R3HCC1: variants seen among roughly 807,000 people sequenced by gnomAD.
The protein encoded by R3HCC1 is R3H domain and coiled-coil containing 1.
R3HCC1 carries 32 observed loss-of-function variants against 40.0 expected under a neutral mutation model. That is an observed-to-expected ratio of 0.80 (90% CI 0.60 to 1.07). The LOEUF (loss-of-function observed/expected upper bound fraction) is 1.07. Ranked by LOEUF, R3HCC1 falls within the 50% of genes least tolerant of loss-of-function variation. The probability of loss-of-function intolerance (pLI) is 0.00; values close to 1 mark genes in which losing one functional copy is unlikely to be tolerated. For missense variants in R3HCC1, 586 were observed against 563.3 expected, an observed-to-expected ratio of 1.04 and a Z score of -0.41; for synonymous variants, 237 against 232.8, an observed-to-expected ratio of 1.02 and a Z score of -0.17.
At position 23,289,933 on chromosome 8, in the gene R3HCC1, G is replaced by A. The variant is rs555802428; in HGVS notation, c.316G>A (p.Gly106Ser). 74 of 1,536,058 alleles carry A rather than the reference G, an allele frequency of 4.8e-5. No individual in the cohort carries two copies. The highest frequency in any genetic ancestry group is 5.8e-5 in the Non-Finnish European group (66 of 1,146,822). Reference sequence around the variant, plus strand: ...TGCCTCCTGCCCCAGCAGGTACCACGGTCCTCGGCCCATCTCCAACCAAGG... The same window carrying A: ...TGCCTCCTGCCCCAGCAGGTACCACAGTCCTCGGCCCATCTCCAACCAAGG... Residue 106 changes from glycine to serine, a missense_variant, in exon 4 of 8, where the codon GGT becomes AGT. Gly to Ser is a moderately conservative substitution (Grantham distance 56). Transcript: ENST00000265806.
At chr8:23,294,337 C>T (rs1237401862) in intron 6 of R3HCC1, among the ~76,000 whole-genome samples, 4 of 152,344 alleles carry the variant, frequency 2.6e-5, no homozygotes, top group African/African-American at 9.6e-5. Context: ...AAGCCTCTCC[C>T]AGCTCTGCTC....
In R3HCC1 at chr8:23,288,196, C is replaced by T. The variant is rs914118938; in HGVS notation, c.-19+39C>T. 2.5e-6 allele frequency: 3 copies of T among 1,203,708 alleles called. No individual in the cohort carries two copies. In the African/African-American group the frequency reaches 4.8e-5, roughly 19 times the overall value. 74.6% of individuals were successfully genotyped at this position (1,203,708 alleles called of 1,614,324 possible). Reference sequence around the variant, plus strand: ...CACTGGGGGGGTGGTCGTCCCGACCCCCGGGCTCCCGGGTGGGAAGGAGCA... The same window carrying T: ...CACTGGGGGGGTGGTCGTCCCGACCTCCGGGCTCCCGGGTGGGAAGGAGCA... On this transcript the variant is annotated intron_variant, in intron 1 of 7. Transcript: ENST00000265806.
chr8:23,291,651 G>A, intron 5 of R3HCC1, 118 bp downstream of exon 5: 1 of 1,460,962 alleles, frequency 6.8e-7, no homozygotes. Context: ...GAGACAGAAA[G>A]TGGGTGTGTT....
rs1225605368 is a variant in R3HCC1, at chr8:23,296,157, A to G, written c.*60A>G. On this transcript the variant is annotated 3_prime_UTR_variant, in exon 8 of 8. Transcript: ENST00000265806. ...CGACGTAGCTGGCGCCCCCAACACC[A>G]TAAGCCTTCACAGACGCCAGAGCAG... The G allele has an allele frequency of 4.0e-6, 6 of 1,507,660 alleles. No homozygotes were observed. Among genetic ancestry groups the G allele is most frequent in the Non-Finnish European group, 5.3e-6 (6 of 1,124,724 alleles). 93.4% of individuals were successfully genotyped at this position (1,507,660 alleles called of 1,614,324 possible).
At chr8:23,290,547 T>C (rs1338006461) in intron 4 of R3HCC1, 78 bp downstream of exon 4, 29 of 1,456,916 alleles carry the variant, frequency 2.0e-5, no homozygotes, top group Non-Finnish European at 2.6e-5. Context: ...GACCAAGGGT[T>C]ATGGTGTGGA....
intron 6 of R3HCC1, among the ~76,000 whole-genome samples, chr8:23,293,999 C>T (rs1190007515): frequency 3.9e-5 from 6 of 152,308 alleles, no homozygotes; most frequent in South Asian, 4.1e-4. Context: ...ACCCGCGCCA[C>T]GCCCCCTTTA....
At chr8:23,295,066 G>T (rs141687709) in intron 7 of R3HCC1, among the ~76,000 whole-genome samples, 12 of 152,208 alleles carry the variant, frequency 7.9e-5, no homozygotes, top group African/African-American at 1.9e-4. Flanking sequence ...GCAGGCCTAG[G>T]GGGGGTCTGG....
chr8:23,295,004 C>G (rs1427478736), intron 7 of R3HCC1, 140 bp downstream of exon 7: 13 of 701,144 alleles, frequency 1.9e-5, no homozygotes, highest in Non-Finnish European at 3.2e-5. Flanking sequence ...CTTCTCTGCT[C>G]TTAGGGAGCC....
rs150576364 is a variant in R3HCC1 at position 23,291,416 on chromosome 8, C to T, written c.908C>T (p.Thr303Ile). ...CAGATAGAGAAGATCCATTTGGACA[C>T]ATCCTCCTTCGTGGAGGAGCTGCCT... Residue 303 changes from threonine to isoleucine, a missense_variant, in exon 5 of 8, where the codon ACA (threonine) becomes ATA (isoleucine). Coordinates refer to ENST00000265806, the MANE Select transcript of R3HCC1 (RefSeq NM_001136108.3). 219 of 1,551,466 alleles carry T rather than the reference C, an allele frequency of 1.4e-4. No individual in the cohort carries two copies. The African/African-American group carries it at 1.7e-3, about 12-fold the overall frequency.
chr8:23,294,914 C>T (rs535215136), intron 7 of R3HCC1, 50 bp downstream of exon 7: 201 of 1,186,924 alleles, frequency 1.7e-4, no homozygotes, highest in Non-Finnish European at 2.1e-4. Context: ...TGTGTGTGTG[C>T]GTGCGAGCAT....
intron 3 of R3HCC1, 117 bp downstream of exon 3, chr8:23,289,270 G>T: frequency 8.8e-7 from 1 of 1,130,006 alleles, no homozygotes; most frequent in Admixed American, 2.6e-5. Context: ...CCCGGCTGCT[G>T]CCATTCCTAG....
intron 7 of R3HCC1, 88 bp downstream of exon 7, chr8:23,294,952 G>A: frequency 1.0e-6 from 1 of 997,560 alleles, no homozygotes. Flanking sequence ...TGTGTGTCTG[G>A]TTTGGGCAGG....
intron 6 of R3HCC1, among the ~76,000 whole-genome samples, chr8:23,293,993 G>A (rs981795494): frequency 1.3e-5 from 2 of 152,136 alleles, no homozygotes; most frequent in Admixed American, 6.5e-5. Flanking sequence ...ATAGTTACCC[G>A]CGCCACGCCC....
chr8:23,289,807 A>G lies in R3HCC1; in HGVS notation c.249-59A>G, dbSNP rs1011095528. On this transcript the variant is annotated intron_variant, in intron 3 of 7. Coordinates refer to ENST00000265806, the MANE Select transcript of R3HCC1 (RefSeq NM_001136108.3). ...CTCCTGAATGACAAGTGGCTCTAGT[A>G]AATCATTTTCCTTTGGGCCCCTACA... 3 of 1,440,008 alleles carry G rather than the reference A, an allele frequency of 2.1e-6. No homozygotes were observed. In the African/African-American group the frequency reaches 4.3e-5, roughly 21 times the overall value. 89.2% of individuals were successfully genotyped at this position (1,440,008 alleles called of 1,614,324 possible).
chr8:23,292,831 G>A (rs984905031), intron 5 of R3HCC1, among the ~76,000 whole-genome samples: 1 of 152,182 alleles, frequency 6.6e-6, no homozygotes, highest in African/African-American at 2.4e-5. Flanking sequence ...ACTGCCTTAG[G>A]CCTCTCACAA....
rs1225657491 is a variant in R3HCC1, at chr8:23,293,306, G to A, written c.1029G>A (p.Glu343=). ...TGTCTCCTCTCTCGCCGCACAGAGA[G>A]AAGGGGTTCAGGATTCAGTGGGTGG... The change falls in exon 6 of 8, where the codon GAG becomes GAA. Residue 343 remains glutamate (E), a synonymous_variant. Coordinates refer to ENST00000265806, the MANE Select transcript of R3HCC1 (RefSeq NM_001136108.3). 1 of 1,551,330 alleles carries A rather than the reference G, an allele frequency of 6.4e-7. No individual in the cohort carries two copies. The highest frequency in any genetic ancestry group is 1.4e-5 in the African/African-American group (1 of 73,048).
Position 23,290,335 on chromosome 8 carries a change from C to T in R3HCC1, c.718C>T (p.Leu240=). ...CACACGGTTTGGGTCCACCCTGCAG[C>T]TAGACCTGGAAAAGGGGAAGGAGAG... The change falls in exon 4 of 8, where the codon CTA becomes TTA. Residue 240 remains leucine (L), a synonymous_variant. Coordinates refer to ENST00000265806, the MANE Select transcript of R3HCC1 (RefSeq NM_001136108.3). 8 of 1,551,794 alleles carry T rather than the reference C, an allele frequency of 5.2e-6. No individual in the cohort carries two copies. Among genetic ancestry groups the T allele is most frequent in the Non-Finnish European group, 7.0e-6 (8 of 1,147,022 alleles).
At position 23,289,850 on chromosome 8, in the gene R3HCC1, CCCATTCCTGCT is replaced by C; in HGVS notation, c.249-12_249-2del. Reference sequence around the variant, plus strand: ...CCCCTACACACTCTGATTACCTCCTCCCATTCCTGCTCCAGGGTACCCAGTTCGGATGGCCT... The same window carrying C: ...CCCCTACACACTCTGATTACCTCCTCCCAGGGTACCCAGTTCGGATGGCCT... On this transcript the variant is annotated splice_region_variant and splice_polypyrimidine_tract_variant and intron_variant, in intron 3 of 7. Transcript: ENST00000265806. The C allele has an allele frequency of 6.7e-7, 1 of 1,488,622 alleles. No individual in the cohort carries two copies. The highest frequency in any genetic ancestry group is 1.4e-5 in the African/African-American group (1 of 71,852). 92.2% of individuals were successfully genotyped at this position (1,488,622 alleles called of 1,614,324 possible).
At position 23,294,773 on chromosome 8, in the gene R3HCC1, G is replaced by C. The variant is rs374974909; in HGVS notation, c.1101G>C (p.Ala367=). The change falls in exon 7 of 8, where the codon GCG becomes GCC. Residue 367 remains alanine (A), a synonymous_variant. Transcript: ENST00000265806. Reference sequence around the variant, plus strand: ...ACGCCTGCTTTCTTTCCACAGCTGCGGAAGCCCTGACCCGGGAGTTCTCGG... The same window carrying C: ...ACGCCTGCTTTCTTTCCACAGCTGCCGAAGCCCTGACCCGGGAGTTCTCGG... The C allele has an allele frequency of 1.3e-6, 2 of 1,551,040 alleles. No homozygotes were observed. The highest frequency in any genetic ancestry group is 2.0e-5 in the Admixed American group (1 of 50,998).
Sources: allele counts gnomAD v4.1 joint callset (sites outside exome capture counted in the v4.1 genomes callset), GRCh38; gene constraint gnomAD v4.1.1; transcripts MANE v1.5; gene names NCBI Gene and HGNC (gene_info 2026-07-23, HGNC 2026-07-21).